CFAP54: variants seen among roughly 807,000 people sequenced by gnomAD.
The protein encoded by CFAP54 is cilia- and flagella-associated protein 54.
CFAP54 carries 290 observed loss-of-function variants against 370.4 expected under a neutral mutation model. That is an observed-to-expected ratio of 0.78 (90% confidence interval 0.71 to 0.86). The LOEUF is 0.86. Ranked by LOEUF, CFAP54 falls within the 40% of genes least tolerant of loss-of-function variation. The probability of loss-of-function intolerance (pLI) is 0.00; values close to 1 mark genes in which losing one functional copy is unlikely to be tolerated. For synonymous variants in CFAP54, 1,206 were observed against 1,236.5 expected, an observed-to-expected ratio of 0.98 and a Z score of 0.52; for missense variants, 3,399 against 3,528.7, an observed-to-expected ratio of 0.96 and a Z score of 0.93.
chr12:96,597,976 C>T (rs540695200), intron 25 of CFAP54, among the ~76,000 whole-genome samples: 3 of 151,858 alleles, frequency 2.0e-5, no homozygotes, highest in East Asian at 1.9e-4. Flanking sequence ...ACAATAGTAA[C>T]AGTATTGTTA....
At chr12:96,857,282 G>A (rs938006129) in intron 66 of CFAP54, among the ~76,000 whole-genome samples, 2 of 152,060 alleles carry the variant, frequency 1.3e-5, no homozygotes, top group African/African-American at 4.8e-5. Context: ...CTGTTCCTCT[G>A]CCTCCTCCCA....
At chr12:96,825,809 A>G (rs1227958997) in intron 65 of CFAP54, among the ~76,000 whole-genome samples, 2 of 131,208 alleles carry the variant, frequency 1.5e-5, no homozygotes, top group South Asian at 2.2e-4. Flanking sequence ...TACATATTAT[A>G]ATATATAAAT....
intron 47 of CFAP54, among the ~76,000 whole-genome samples, chr12:96,707,167 C>G (rs2136588811): frequency 6.6e-6 from 1 of 152,104 alleles, no homozygotes; most frequent in East Asian, 1.9e-4. Context: ...GCCTGAAAGC[C>G]AAGAGGAGAA....
At chr12:96,582,251 T>A (rs1956039767) in intron 22 of CFAP54, among the ~76,000 whole-genome samples, 1 of 152,194 alleles carries the variant, frequency 6.6e-6, no homozygotes, top group South Asian at 2.1e-4. Context: ...CATGAATTAA[T>A]GTTTTTTGTC....
At chr12:96,677,604 TGGTGGGGA>T (rs1957225729) in intron 39 of CFAP54, among the ~76,000 whole-genome samples, 1 of 151,720 alleles carries the variant, frequency 6.6e-6, no homozygotes, top group Non-Finnish European at 1.5e-5. Context: ...AGGAGGGAGA[TGGTGGGGA>T]CAGGGCAGAG....
At chr12:96,836,267 G>T (rs1959185955) in intron 66 of CFAP54, among the ~76,000 whole-genome samples, 1 of 152,164 alleles carries the variant, frequency 6.6e-6, no homozygotes, top group Non-Finnish European at 1.5e-5. Flanking sequence ...TAAAGATCTT[G>T]AATTTCATAG....
chr12:96,554,882 CTG>C (rs1196013021), intron 17 of CFAP54, 80 bp downstream of exon 17: 1 of 1,291,228 alleles, frequency 7.7e-7, no homozygotes, highest in Admixed American at 3.4e-5. Context: ...AATTTGAAAA[CTG>C]TGTTCTTGTT....
intron 60 of CFAP54, among the ~76,000 whole-genome samples, chr12:96,773,102 C>G (rs1958480361): frequency 6.6e-6 from 1 of 152,190 alleles, no homozygotes; most frequent in Admixed American, 6.5e-5. Flanking sequence ...CACTCCAGTT[C>G]ATTCAAATAG....
rs1374618895 is a variant in CFAP54, at chr12:96,489,759, C to A, written c.150C>A (p.Thr50=). ...GSSRSSLLQW[T]CPEDSLPLAV... ...CCCGGAGCTCGCTGCTTCAGTGGAC[C>A]TGCCCCGAGGACTCATTGCCCCTAG... Residue 50 remains threonine (T), a synonymous_variant, in exon 1 of 68, where the codon ACC becomes ACA. Transcript: ENST00000524981. 6.5e-7 allele frequency: 1 copy of A among 1,536,130 alleles called. No individual in the cohort carries two copies. The highest frequency in any genetic ancestry group is 8.7e-7 in the Non-Finnish European group (1 of 1,146,906).
At chr12:96,866,682 A>C (rs1960014255) in intron 67 of CFAP54, among the ~76,000 whole-genome samples, 2 of 152,174 alleles carry the variant, frequency 1.3e-5, no homozygotes, top group South Asian at 4.1e-4. Flanking sequence ...ACAAGAATTT[A>C]TTGGACTGAT....
intron 61 of CFAP54, among the ~76,000 whole-genome samples, chr12:96,785,117 T>A (rs1958616065): frequency 6.6e-6 from 1 of 152,210 alleles, no homozygotes; most frequent in Admixed American, 6.5e-5. Context: ...TTTCATATGT[T>A]TAAAAACATC....
At chr12:96,784,535 G>C (rs1157844536) in intron 60 of CFAP54, among the ~76,000 whole-genome samples, 182 bp from the exon 61 acceptor site, 3 of 151,968 alleles carry the variant, frequency 2.0e-5, no homozygotes, top group Non-Finnish European at 4.4e-5. Flanking sequence ...TCTTTTCTCA[G>C]TCTGTGGTTG....
chr12:96,775,434 CA>C (rs915547840), intron 60 of CFAP54, among the ~76,000 whole-genome samples: 2 of 150,434 alleles, frequency 1.3e-5, no homozygotes, highest in Admixed American at 6.6e-5. Context: ...ATCCCCGACC[CA>C]AAAAAAAACT....
chr12:96,544,083 G>A (rs1186566345), intron 14 of CFAP54, among the ~76,000 whole-genome samples: 4 of 151,904 alleles, frequency 2.6e-5, no homozygotes, highest in African/African-American at 9.7e-5. Flanking sequence ...TCCATGTTTT[G>A]GCTTCTCCAA....
chr12:96,829,124 C>T (rs1403776759), intron 66 of CFAP54, 36 bp downstream of exon 66: 1 of 1,177,314 alleles, frequency 8.5e-7, no homozygotes, highest in Admixed American at 2.1e-5. Flanking sequence ...ATCTAATTCA[C>T]TCACAAGTAT....
At chr12:96,508,174 C>T (rs550466339) in intron 4 of CFAP54, among the ~76,000 whole-genome samples, 1 of 150,688 alleles carries the variant, frequency 6.6e-6, no homozygotes, top group Admixed American at 6.6e-5. Context: ...CTTTCTCACC[C>T]AGAGTGGAGT....
At chr12:96,603,776 C>T (rs1956270157) in intron 26 of CFAP54, among the ~76,000 whole-genome samples, 1 of 152,178 alleles carries the variant, frequency 6.6e-6, no homozygotes, top group South Asian at 2.1e-4. Flanking sequence ...ATGCTTCACA[C>T]AGTTCTTGTA....
At chr12:96,740,321 A>G (rs1205658205) in intron 51 of CFAP54, among the ~76,000 whole-genome samples, 1 of 152,260 alleles carries the variant, frequency 6.6e-6, no homozygotes, top group Non-Finnish European at 1.5e-5. Flanking sequence ...GTCCAATCCA[A>G]AGTTCCAGAT....
chr12:96,760,338 GT>G lies in CFAP54; in HGVS notation c.8040+2753del, dbSNP rs543955967. Among the ~76,000 whole-genome samples, 724 of 152,194 alleles carry G rather than the reference GT, an allele frequency of 4.8e-3. 4 individuals carry two copies. The highest frequency in any genetic ancestry group is 0.011 in the South Asian group (51 of 4,824). ...CATTTTAAGACTGCAGTCCACAGATGTTTAGTAAATTTACAGAGTTGTTCAA... is the reference window on the plus strand; with the variant it reads ...CATTTTAAGACTGCAGTCCACAGATGTTAGTAAATTTACAGAGTTGTTCAA... On this transcript the variant is annotated intron_variant, in intron 58 of 67. Coordinates refer to ENST00000524981, the MANE Select transcript of CFAP54 (RefSeq NM_001306084.2).
Sources: allele counts gnomAD v4.1 joint callset (sites outside exome capture counted in the v4.1 genomes callset), GRCh38; gene constraint gnomAD v4.1.1; transcripts MANE v1.5; gene names NCBI Gene and HGNC (gene_info 2026-07-23, HGNC 2026-07-21).